ACYP2: variants seen among roughly 807,000 people sequenced by gnomAD.
The protein encoded by ACYP2 is acylphosphatase 2, also known as acylphosphatase-2.
Under a neutral mutation model 11.2 loss-of-function variants are expected in ACYP2, and 12 were observed. That is an observed-to-expected ratio of 1.08 (90% CI 0.69 to 1.74). The LOEUF (loss-of-function observed/expected upper bound fraction) is 1.74. Among genes scored for constraint, ACYP2 ranks in the 40% most tolerant of loss-of-function variants. The pLI, the probability that ACYP2 is intolerant of heterozygous loss-of-function variation, is 0.00. For missense variants in ACYP2, 134 were observed against 101.9 expected (o/e 1.31, Z -1.35); for synonymous variants, 43 against 32.2 (o/e 1.33, Z -1.13).
At chr2:54,145,938 C>T (rs1681861953) in intron 6 of ACYP2, among the ~76,000 whole-genome samples, 1 of 152,176 alleles carries the variant, frequency 6.6e-6, no homozygotes, top group African/African-American at 2.4e-5. Context: ...TCTGGTGTTG[C>T]TCTTCGCTGC....
At chr2:54,068,710 C>T (rs1046592530) in intron 4 of ACYP2, among the ~76,000 whole-genome samples, 2 of 152,090 alleles carry the variant, frequency 1.3e-5, no homozygotes, top group Middle Eastern at 3.4e-3. Context: ...CTGCTACATG[C>T]GCCCAAAAGC....
At chr2:54,059,817 A>C (rs1157921631) in intron 4 of ACYP2, among the ~76,000 whole-genome samples, 1 of 152,170 alleles carries the variant, frequency 6.6e-6, no homozygotes, top group Non-Finnish European at 1.5e-5. Flanking sequence ...GTTGTTTGTT[A>C]CTTAAGGATA....
At chr2:54,034,010 T>C (rs1674737898) in intron 2 of ACYP2, among the ~76,000 whole-genome samples, 1 of 152,178 alleles carries the variant, frequency 6.6e-6, no homozygotes, top group South Asian at 2.1e-4. Flanking sequence ...CCAAATATAA[T>C]AGTGGTTCCA....
intron 2 of ACYP2, among the ~76,000 whole-genome samples, chr2:54,031,407 A>G (rs576690929): frequency 6.6e-6 from 1 of 152,104 alleles, no homozygotes; most frequent in South Asian, 2.1e-4. Context: ...TAGTTTGCTC[A>G]GAATGATGGT....
intron 6 of ACYP2, among the ~76,000 whole-genome samples, chr2:54,279,460 T>A (rs1004716056): frequency 6.6e-6 from 1 of 152,232 alleles, no homozygotes; most frequent in Non-Finnish European, 1.5e-5. Context: ...CTCCCGATTT[T>A]AACCAACTTT....
chr2:54,290,388 C>G (rs1689252550), intron 6 of ACYP2, among the ~76,000 whole-genome samples: 1 of 152,040 alleles, frequency 6.6e-6, no homozygotes, highest in Non-Finnish European at 1.5e-5. Flanking sequence ...TTCCCCCACC[C>G]CTACCATTTC....
chr2:54,276,662 C>CACACACACCA (rs5831294), intron 6 of ACYP2, among the ~76,000 whole-genome samples: 5 of 132,166 alleles, frequency 3.8e-5, no homozygotes, highest in African/African-American at 1.3e-4. Context: ...CACACACACA[C>CACACACACCA]CACACACAAG....
intron 4 of ACYP2, among the ~76,000 whole-genome samples, chr2:54,083,645 G>A (rs1677789151): frequency 6.6e-6 from 1 of 152,164 alleles, no homozygotes; most frequent in African/African-American, 2.4e-5. Context: ...AACATGTTAG[G>A]AGAGTCTGGC....
chr2:54,298,182 A>G (rs1358807306), intron 6 of ACYP2, among the ~76,000 whole-genome samples: 1 of 152,266 alleles, frequency 6.6e-6, no homozygotes, highest in Non-Finnish European at 1.5e-5. Flanking sequence ...GAATGCCTAT[A>G]AACAGACTCA....
At chr2:54,077,779 A>T (rs1453544120) in intron 4 of ACYP2, among the ~76,000 whole-genome samples, 2 of 152,202 alleles carry the variant, frequency 1.3e-5, no homozygotes, top group African/African-American at 4.8e-5. Context: ...CTAAGGTGTT[A>T]TGTAAATTAG....
chr2:54,118,931 C>T (rs1025666191), intron 4 of ACYP2, among the ~76,000 whole-genome samples: 13 of 152,156 alleles, frequency 8.5e-5, no homozygotes, highest in African/African-American at 3.1e-4. Context: ...CTCATTTAAT[C>T]CTCATCCCTG....
At chr2:54,004,210 C>T (rs1357096769) in intron 2 of ACYP2, among the ~76,000 whole-genome samples, 1 of 152,020 alleles carries the variant, frequency 6.6e-6, no homozygotes, top group Non-Finnish European at 1.5e-5. Context: ...TGGTCTTGAA[C>T]TCTGGACCTC....
At chr2:54,257,727 T>C (rs1407644788) in intron 6 of ACYP2, among the ~76,000 whole-genome samples, 1 of 152,186 alleles carries the variant, frequency 6.6e-6, no homozygotes, top group African/African-American at 2.4e-5. Flanking sequence ...ATGGTTTAAA[T>C]AAATATAAGA....
chr2:54,292,669 TACACACACAC>T (rs3071218), intron 6 of ACYP2, among the ~76,000 whole-genome samples: 62,640 of 148,852 alleles, frequency 0.42, 13,451 homozygotes, highest in Non-Finnish European at 0.48. Flanking sequence ...TATATATGTA[TACACACACAC>T]ACACACACAC....
rs1676365940 is a variant in ACYP2 at position 54,059,744 on chromosome 2, T to C, written c.277+2384T>C. On this transcript the variant is annotated intron_variant, in intron 4 of 6. Transcript: ENST00000607452. ...GTCACTCCATTGGTAACAATTGTGC[T>C]GGGACTCATCCTTCAGTAGGGTGAG... Among the ~76,000 whole-genome samples, 4 of 152,346 alleles carry C rather than the reference T, an allele frequency of 2.6e-5. 1 individual carries two copies. In the South Asian group the frequency reaches 8.3e-4, roughly 32 times the overall value.
intron 4 of ACYP2, among the ~76,000 whole-genome samples, chr2:54,074,036 T>C (rs1312521584): frequency 1.3e-5 from 2 of 152,134 alleles, no homozygotes; most frequent in East Asian, 3.8e-4. Context: ...GCTAGGTATA[T>C]ACCTAAAAGA....
chr2:54,146,450 T>A (rs1219781611), intron 6 of ACYP2, among the ~76,000 whole-genome samples: 2 of 151,996 alleles, frequency 1.3e-5, no homozygotes, highest in East Asian at 3.9e-4. Context: ...TTTTTTTTTT[T>A]TTTTATTACA....
At chr2:53,978,986 C>A (rs149823748) in intron 2 of ACYP2, among the ~76,000 whole-genome samples, 1 of 151,796 alleles carries the variant, frequency 6.6e-6, no homozygotes, top group Non-Finnish European at 1.5e-5. Context: ...TAATAATAAA[C>A]GACTGTTACT....
intron 2 of ACYP2, among the ~76,000 whole-genome samples, chr2:54,041,105 CTTTCT>C (rs1449797891): frequency 5.0e-4 from 52 of 103,666 alleles, no homozygotes; most frequent in Middle Eastern, 4.4e-3. Flanking sequence ...TTCTTTCTTT[CTTTCT>C]TTTTTTTTGT....
Sources: allele counts gnomAD v4.1 joint callset (sites outside exome capture counted in the v4.1 genomes callset), GRCh38; gene constraint gnomAD v4.1.1; transcripts MANE v1.5; gene names NCBI Gene and HGNC (gene_info 2026-07-23, HGNC 2026-07-21).